Variants in ZNF423 observed in about 807,000 individuals in gnomAD.
ZNF423 encodes zinc finger protein 423, also known as Ebf-associated zinc finger protein.
Under a neutral mutation model 95.8 loss-of-function variants are expected in ZNF423, and 12 were observed. That is an observed-to-expected ratio of 0.13 (90% CI 0.08 to 0.20). The LOEUF is 0.20. ZNF423 is among the 10% of genes least tolerant of loss of function. ZNF423 has a pLI of 1.00. For missense variants in ZNF423, 1,316 were observed against 1,737.1 expected (o/e 0.76, Z 4.31); for synonymous variants, 749 against 711.9 (o/e 1.05, Z -0.83).
At chr16:49,686,818 C>T (rs1003452701) in intron 3 of ZNF423, among the ~76,000 whole-genome samples, 3 of 41,430 alleles carry the variant, frequency 7.2e-5, no homozygotes, top group Admixed American at 3.0e-4. Context: ...TCTCGACTCA[C>T]CAGCCCCGCC....
intron 1 of ZNF423, among the ~76,000 whole-genome samples, chr16:49,796,426 A>G (rs1886296184): frequency 6.6e-6 from 1 of 152,328 alleles, no homozygotes; most frequent in South Asian, 2.1e-4. Flanking sequence ...CAGAGGCAGA[A>G]GAGATGGAGC....
chr16:49,780,585 C>T (rs1460618645), intron 2 of ZNF423: 1 of 152,276 alleles, frequency 6.6e-6, no homozygotes, highest in Non-Finnish European at 1.5e-5. Flanking sequence ...CAGTCACCAC[C>T]TGACGATTTC....
chr16:49,827,430 C>T (rs1451539660), intron 1 of ZNF423, among the ~76,000 whole-genome samples: 2 of 152,212 alleles, frequency 1.3e-5, no homozygotes, highest in Non-Finnish European at 2.9e-5. Context: ...ATGTTTCTCA[C>T]TGCAGCAGCA....
At position 49,590,050 on chromosome 16, in the gene ZNF423, A is replaced by ATATATATATATATATATATATATG. The variant is rs552421632; in HGVS notation, c.3601+36119_3601+36120insCATATATATATATATATATATATA. On this transcript the variant is annotated intron_variant, in intron 5 of 7. Transcript: ENST00000563137. ...GGCGAATATATATATATATATATAT[A>ATATATATATATATATATATATATG]TTTGGTCCATACAGACGTGACCAGA... 1.8e-3 allele frequency among the ~76,000 whole-genome samples: 214 copies of ATATATATATATATATATATATATG among 117,544 alleles called. 18 individuals are homozygous for ATATATATATATATATATATATATG. Among genetic ancestry groups the ATATATATATATATATATATATATG allele is most frequent in the South Asian group, 4.4e-3 (13 of 2,940 alleles). The allele number at this position is 117,544 out of a possible 152,430, so 77.1% of individuals were successfully genotyped here.
chr16:49,762,700 A>T (rs1305381490), intron 2 of ZNF423, among the ~76,000 whole-genome samples: 5 of 151,112 alleles, frequency 3.3e-5, no homozygotes, highest in African/African-American at 9.7e-5. Context: ...GACACTCCAG[A>T]CTCTCCCACT....
chr16:49,840,993 G>C (rs1397956549), intron 1 of ZNF423, among the ~76,000 whole-genome samples: 1 of 152,188 alleles, frequency 6.6e-6, no homozygotes, highest in Admixed American at 6.5e-5. Context: ...TTCAAACCTG[G>C]TGTCTCTAAA....
chr16:49,634,098 G>T (rs752056236), intron 4 of ZNF423, among the ~76,000 whole-genome samples: 9 of 151,858 alleles, frequency 5.9e-5, no homozygotes, highest in Non-Finnish European at 1.3e-4. Flanking sequence ...AGTAGAGACG[G>T]GGTTTCACCG....
At chr16:49,736,099 A>G (rs1194634509) in intron 2 of ZNF423, among the ~76,000 whole-genome samples, 3 of 152,186 alleles carry the variant, frequency 2.0e-5, no homozygotes, top group Non-Finnish European at 4.4e-5. Flanking sequence ...TAGGGGCTCA[A>G]TAAATGTTGA....
intron 1 of ZNF423, among the ~76,000 whole-genome samples, chr16:49,792,122 C>A (rs1183813727): frequency 1.4e-5 from 2 of 148,120 alleles, no homozygotes; most frequent in East Asian, 3.9e-4. Context: ...TTTTCTTTTT[C>A]TTTTATTGAT....
intron 2 of ZNF423, among the ~76,000 whole-genome samples, chr16:49,747,386 T>C (rs1158949163): frequency 1.3e-5 from 2 of 152,162 alleles, no homozygotes; most frequent in East Asian, 1.9e-4. Context: ...ATCTATATTG[T>C]TTTAAAACAT....
At chr16:49,764,927 T>C (rs2143665934) in intron 2 of ZNF423, among the ~76,000 whole-genome samples, 1 of 150,976 alleles carries the variant, frequency 6.6e-6, no homozygotes, top group South Asian at 2.1e-4. Flanking sequence ...TTTTTTTTTT[T>C]TTTGTATTTT....
At chr16:49,717,400 A>T (rs1406465732) in intron 3 of ZNF423, among the ~76,000 whole-genome samples, 1 of 152,230 alleles carries the variant, frequency 6.6e-6, no homozygotes, top group African/African-American at 2.4e-5. Context: ...TGTCTAGGTT[A>T]AATGGCCTCA....
chr16:49,845,868 T>G (rs762741362), intron 1 of ZNF423, among the ~76,000 whole-genome samples: 3 of 152,024 alleles, frequency 2.0e-5, no homozygotes, highest in Non-Finnish European at 4.4e-5. Flanking sequence ...TGAATGAGCA[T>G]GGAGCCCTGG....
intron 1 of ZNF423, among the ~76,000 whole-genome samples, chr16:49,809,670 C>G (rs890907339): frequency 1.3e-5 from 2 of 152,158 alleles, no homozygotes; most frequent in Admixed American, 6.5e-5. Flanking sequence ...ATGCTGGCTC[C>G]CAGAGGGGAG....
At chr16:49,546,395 T>C (rs553561110) in intron 5 of ZNF423, among the ~76,000 whole-genome samples, 12 of 152,242 alleles carry the variant, frequency 7.9e-5, no homozygotes, top group South Asian at 2.1e-4. Context: ...CTTGGGTAAG[T>C]TGGTGCCTTT....
At chr16:49,557,501 T>C (rs960166473) in intron 5 of ZNF423, among the ~76,000 whole-genome samples, 3 of 152,154 alleles carry the variant, frequency 2.0e-5, no homozygotes, top group Admixed American at 6.5e-5. Context: ...GGCAGTGTTC[T>C]GACCCTCTGA....
At chr16:49,540,352 G>T (rs548125021) in intron 5 of ZNF423, among the ~76,000 whole-genome samples, 1 of 152,150 alleles carries the variant, frequency 6.6e-6, no homozygotes, top group Admixed American at 6.5e-5. Context: ...ACAGATCACT[G>T]CAGTCTCCAT....
intron 3 of ZNF423, among the ~76,000 whole-genome samples, chr16:49,701,249 C>G (rs1315027669): frequency 6.6e-6 from 1 of 152,198 alleles, no homozygotes; most frequent in Non-Finnish European, 1.5e-5. Context: ...CGTGTGCGTG[C>G]ATGCGCACGT....
At chr16:49,641,571 C>T (rs1163466082) in intron 3 of ZNF423, among the ~76,000 whole-genome samples, 2 of 152,212 alleles carry the variant, frequency 1.3e-5, no homozygotes, top group Admixed American at 1.3e-4. Context: ...ACAGATATTT[C>T]TGCCAGGGTT....
Sources: allele counts gnomAD v4.1 joint callset (sites outside exome capture counted in the v4.1 genomes callset), GRCh38; gene constraint gnomAD v4.1.1; transcripts MANE v1.5; gene names NCBI Gene and HGNC (gene_info 2026-07-23, HGNC 2026-07-21).